The following LIFR variants were observed in gnomAD, a reference collection of about 807,000 sequenced individuals.
The protein encoded by LIFR is leukemia inhibitory factor receptor.
A neutral mutation model predicts 122.2 loss-of-function variants in LIFR; 84 were observed. That is an observed-to-expected ratio of 0.69 (90% CI 0.58 to 0.82). LIFR has a LOEUF of 0.82. Among genes scored for constraint, LIFR ranks in the 40% least tolerant of loss-of-function variants. The pLI, the probability that LIFR is intolerant of heterozygous loss-of-function variation, is 0.00. For missense variants in LIFR, 1,294 were observed against 1,311.6 expected (o/e 0.99, Z 0.21); for synonymous variants, 422 against 434.7 (o/e 0.97, Z 0.36).
intron 12 of LIFR, among the ~76,000 whole-genome samples, chr5:38,498,598 T>A (rs1745010832): frequency 6.6e-6 from 1 of 152,220 alleles, no homozygotes; most frequent in Non-Finnish European, 1.5e-5. Context: ...GGCGGCACCA[T>A]CAGCATAGAT....
upstream of LIFR, among the ~76,000 whole-genome samples, chr5:38,595,636 C>G (rs899355403): frequency 7.9e-5 from 12 of 151,584 alleles, no homozygotes; most frequent in Non-Finnish European, 4.4e-5. Context: ...GGTTAGGAGT[C>G]AGCAGTGTGT....
chr5:38,481,473 T>C lies in LIFR; in HGVS notation c.*122A>G, dbSNP rs1056565587. On this transcript the variant is annotated 3_prime_UTR_variant, in exon 20 of 20. Transcript: ENST00000453190. The stretch of plus-strand genomic sequence containing the variant: ...AACACTTTCAGTGTAACTTAACATG[T>C]AGTGAAGTTCACCTCCTAACAATAC... 4.3e-5 allele frequency: 45 copies of C among 1,044,010 alleles called. No homozygotes were observed. Among genetic ancestry groups the C allele is most frequent in the Non-Finnish European group, 6.3e-5 (42 of 664,522 alleles). 64.7% of individuals were successfully genotyped at this position (1,044,010 alleles called of 1,614,324 possible).
In LIFR at chr5:38,478,391, C is replaced by T. The variant is rs1375035287; in HGVS notation, c.*3204G>A. On this transcript the variant is annotated 3_prime_UTR_variant, in exon 20 of 20. Coordinates refer to ENST00000453190, the MANE Select transcript of LIFR (RefSeq NM_001127671.2). ...TCTCAGTGAATGGCTGCTTCTGTTT[C>T]TAAGCTGCAGGAACAAAGCACCTCT... 1 of 209,028 alleles carries T rather than the reference C, an allele frequency of 4.8e-6. No individual in the cohort carries two copies. The highest frequency in any genetic ancestry group is 9.8e-6 in the Non-Finnish European group (1 of 102,472). 12.9% of individuals were successfully genotyped at this position (209,028 alleles called of 1,614,324 possible).
In LIFR at chr5:38,479,497, GT is replaced by G. The variant is rs1364938252; in HGVS notation, c.*2097del. On this transcript the variant is annotated 3_prime_UTR_variant, in exon 20 of 20. Transcript: ENST00000453190. ...AGGGCCCTGGATCCAGATGGTCACAGTTGAAATGCATATATATTGACAGACA... is the reference window on the plus strand; with the variant it reads ...AGGGCCCTGGATCCAGATGGTCACAGTGAAATGCATATATATTGACAGACA... 3 of 231,420 alleles carry G rather than the reference GT, an allele frequency of 1.3e-5. No individual in the cohort carries two copies. The highest frequency in any genetic ancestry group is 6.6e-5 in the African/African-American group (3 of 45,260). The allele number at this position is 231,420 out of a possible 1,614,324, so 14.3% of individuals were successfully genotyped here. A position where few individuals can be genotyped will look rare whatever the true frequency, so the allele number is the denominator to read the frequency against.
chr5:38,475,938 A>G lies in LIFR; in HGVS notation c.*5657T>C. ...TCTGAATTTAAATGTATTTAAGAAA[A>G]AGCCGTGCTCTTTTTTGAGAAAATA... is the stretch of plus-strand genomic sequence containing the variant. On this transcript the variant is annotated 3_prime_UTR_variant, in exon 20 of 20. Transcript: ENST00000453190. 5.1e-6 allele frequency: 1 copy of G among 196,948 alleles called. No individual in the cohort carries two copies. The highest frequency in any genetic ancestry group is 1.1e-5 in the Non-Finnish European group (1 of 94,832). 12.2% of individuals were successfully genotyped at this position (196,948 alleles called of 1,614,324 possible).
At position 38,504,023 on chromosome 5, in the gene LIFR, A is replaced by C. The variant is rs984558184; in HGVS notation, c.1390T>G (p.Phe464Val). ...HLPGNFAKIN[F>V]LCEIEIKKSN... ...TTCTTAATTTCAATTTCACATAAAA[A>C]ATTAATCTTTGCAAAGTTGCCTGGT... Residue 464 changes from phenylalanine (F) to valine (V), a missense_variant, in exon 10 of 20, where the codon TTT becomes GTT. Phe to Val is a conservative substitution (Grantham distance 50). Transcript: ENST00000453190. 6.3e-7 allele frequency: 1 copy of C among 1,590,380 alleles called. No individual in the cohort carries two copies. Among genetic ancestry groups the C allele is most frequent in the Non-Finnish European group, 8.6e-7 (1 of 1,158,674 alleles).
chr5:38,494,500 C>A (rs1429128219), intron 13 of LIFR, among the ~76,000 whole-genome samples: 5 of 152,000 alleles, frequency 3.3e-5, no homozygotes. Context: ...AAGACAGGCG[C>A]AGAGGCCCTG....
At chr5:38,600,128 C>A (rs1472180586), upstream of LIFR, among the ~76,000 whole-genome samples, 3 of 152,202 alleles carry the variant, frequency 2.0e-5, no homozygotes, top group Admixed American at 1.3e-4. Context: ...CAACCAATTG[C>A]CAATCAGAAA....
At chr5:38,498,251 C>T (rs1373094466) in intron 12 of LIFR, among the ~76,000 whole-genome samples, 2 of 152,110 alleles carry the variant, frequency 1.3e-5, no homozygotes, top group African/African-American at 4.8e-5. Flanking sequence ...TGTCCTCCTC[C>T]CCCAGCTTCT....
In LIFR at chr5:38,476,402, A is replaced by G. The variant is rs1324614420; in HGVS notation, c.*5193T>C. 1 of 208,842 alleles carries G rather than the reference A, an allele frequency of 4.8e-6. No homozygotes were observed. Among genetic ancestry groups the G allele is most frequent in the Non-Finnish European group, 9.7e-6 (1 of 102,574 alleles). 12.9% of individuals were successfully genotyped at this position (208,842 alleles called of 1,614,324 possible). ...GAAAGTTACCCATTTAAAATGGAAT[A>G]ATTCTTAACGGAAGTACACTTTAAA... On this transcript the variant is annotated 3_prime_UTR_variant, in exon 20 of 20. Coordinates refer to ENST00000453190, the MANE Select transcript of LIFR (RefSeq NM_001127671.2).
chr5:38,505,732 A>G (rs987577935), intron 9 of LIFR, among the ~76,000 whole-genome samples, 173 bp downstream of exon 9: 2 of 152,226 alleles, frequency 1.3e-5, no homozygotes, highest in Admixed American at 6.5e-5. Flanking sequence ...TCAATAAAAT[A>G]GTAAAACTTG....
At chr5:38,561,536 T>C (rs1008859450), upstream of LIFR, among the ~76,000 whole-genome samples, 6 of 152,218 alleles carry the variant, frequency 3.9e-5, no homozygotes, top group African/African-American at 1.4e-4. Context: ...TCAGCCAAGG[T>C]ATATATATCT....
intron 1 of LIFR, among the ~76,000 whole-genome samples, chr5:38,545,455 T>C (rs10473099): frequency 0.038 from 5,726 of 152,120 alleles, 368 homozygotes; most frequent in African/African-American, 0.13. Context: ...CTCTGAATGG[T>C]GAAACTAAAA....
intron 5 of LIFR, among the ~76,000 whole-genome samples, chr5:38,519,001 C>T (rs983655357): frequency 6.6e-6 from 1 of 152,076 alleles, no homozygotes; most frequent in Non-Finnish European, 1.5e-5. Flanking sequence ...TACAAAAAAG[C>T]TTGTAGAGTA....
chr5:38,505,754 T>C, intron 9 of LIFR, 151 bp downstream of exon 9: 1 of 333,674 alleles, frequency 3.0e-6, no homozygotes, highest in African/African-American at 2.1e-5. Context: ...AATTATACAT[T>C]TAAAGTTTTT....
intron 8 of LIFR, 71 bp from the exon 9 acceptor site, chr5:38,506,145 G>T: frequency 2.1e-6 from 2 of 974,414 alleles, no homozygotes; most frequent in South Asian, 1.5e-5. Flanking sequence ...GGGCAAATTC[G>T]TAATACTTAA....
At chr5:38,555,199 T>C (rs896939225) in intron 1 of LIFR, 1 of 152,212 alleles carries the variant, frequency 6.6e-6, no homozygotes, top group Non-Finnish European at 1.5e-5. Flanking sequence ...CTCGTGTTTT[T>C]AAAAAACACA....
chr5:38,583,421 G>A (rs1749649881), intron 1 of LIFR, among the ~76,000 whole-genome samples: 2 of 152,174 alleles, frequency 1.3e-5, no homozygotes, highest in South Asian at 4.2e-4. Flanking sequence ...GACACCAAAA[G>A]TTCAGGCTAA....
At chr5:38,513,870 G>A (rs1274578570) in intron 5 of LIFR, among the ~76,000 whole-genome samples, 4 of 151,966 alleles carry the variant, frequency 2.6e-5, no homozygotes, top group African/African-American at 9.7e-5. Flanking sequence ...TGACCAGAAA[G>A]TGTACAAGAA....
Sources: allele counts gnomAD v4.1 joint callset (sites outside exome capture counted in the v4.1 genomes callset), GRCh38; gene constraint gnomAD v4.1.1; transcripts MANE v1.5; gene names NCBI Gene and HGNC (gene_info 2026-07-23, HGNC 2026-07-21).